ZHX3: variants seen among roughly 807,000 people sequenced by gnomAD.
The protein encoded by ZHX3 is zinc fingers and homeoboxes 3.
ZHX3 carries 20 observed loss-of-function variants against 64.5 expected under a neutral mutation model. The ratio of observed to expected loss-of-function variants is 0.31; its 90% confidence interval spans 0.22 to 0.45. ZHX3 has a LOEUF of 0.45. Ranked by LOEUF, ZHX3 falls within the 20% of genes least tolerant of loss-of-function variation. The pLI is 1.00. For synonymous variants in ZHX3, 423 were observed against 461.6 expected (o/e 0.92, Z 1.07); for missense variants, 1,041 against 1,195.8 (o/e 0.87, Z 1.91).
intron 1 of ZHX3, among the ~76,000 whole-genome samples, chr20:41,299,286 C>G (rs2044694373): frequency 6.6e-6 from 1 of 151,734 alleles, no homozygotes; most frequent in African/African-American, 2.4e-5. Context: ...TTAATCAGCC[C>G]AACACTATAT....
rs112928317 is a variant in ZHX3 at position 41,278,680 on chromosome 20, C to T, written c.-244-9597G>A. On this transcript the variant is annotated intron_variant, in intron 1 of 3. Transcript: ENST00000683867. ...ACTTATTGTAGATATATGGAAAATACAGAAGAGTATAAGACTATAGAGGAA... is the reference window on the plus strand; with the variant it reads ...ACTTATTGTAGATATATGGAAAATATAGAAGAGTATAAGACTATAGAGGAA... 7.8e-5 allele frequency among the ~76,000 whole-genome samples: 11 copies of T among 141,786 alleles called. 3 individuals carry two copies. Among genetic ancestry groups the T allele is most frequent in the African/African-American group, 2.4e-4 (9 of 37,864 alleles). 93.0% of individuals were successfully genotyped at this position (141,786 alleles called of 152,430 possible).
At chr20:41,312,479 C>T (rs1052502142) in intron 1 of ZHX3, among the ~76,000 whole-genome samples, 9 of 152,266 alleles carry the variant, frequency 5.9e-5, no homozygotes, top group Admixed American at 4.6e-4. Context: ...CACAAAGGTC[C>T]GCAGCTCCTT....
chr20:41,234,157 A>C (rs74167736), intron 2 of ZHX3, among the ~76,000 whole-genome samples: 1 of 152,148 alleles, frequency 6.6e-6, no homozygotes, highest in Non-Finnish European at 1.5e-5. Flanking sequence ...CTCGGGCCCA[A>C]CTTCCCTGTT....
intron 1 of ZHX3, among the ~76,000 whole-genome samples, chr20:41,292,013 T>TAA (rs61168786): frequency 0.28 from 26,681 of 94,288 alleles, 3,722 homozygotes; most frequent in Non-Finnish European, 0.31. Flanking sequence ...ACCTCATCTT[T>TAA]AAAAAAAAAA....
At chr20:41,236,892 T>C (rs1161077484) in intron 2 of ZHX3, among the ~76,000 whole-genome samples, 1 of 151,886 alleles carries the variant, frequency 6.6e-6, no homozygotes, top group Non-Finnish European at 1.5e-5. Flanking sequence ...ATATCCAGAA[T>C]CCACAAAGAA....
At position 41,215,432 on chromosome 20, in the gene ZHX3, G is replaced by A. The variant is rs2039450102; in HGVS notation, c.-150-10366C>T. Among the ~76,000 whole-genome samples the A allele has an allele frequency of 2.0e-5, 3 of 152,058 alleles. No homozygotes were observed. In the South Asian group the frequency reaches 6.2e-4, roughly 32 times the overall value. On this transcript the variant is annotated intron_variant, in intron 2 of 3. Transcript: ENST00000683867. ...TCAGCACTGCAGTATACATATGTGA[G>A]TTTTTTAGATAAAAATCTTAAAGTG...
At chr20:41,295,829 C>T (rs1004232612) in intron 1 of ZHX3, among the ~76,000 whole-genome samples, 28 of 148,658 alleles carry the variant, frequency 1.9e-4, no homozygotes, top group African/African-American at 6.7e-4. Context: ...CCAGCCTGGG[C>T]GACACAACGA....
At chr20:41,208,369 C>G (rs1389948765) in intron 2 of ZHX3, among the ~76,000 whole-genome samples, 1 of 152,126 alleles carries the variant, frequency 6.6e-6, no homozygotes, top group East Asian at 1.9e-4. Context: ...GATACCAAAG[C>G]CTGGCAGAGA....
At chr20:41,241,879 A>T (rs1440601979) in intron 2 of ZHX3, among the ~76,000 whole-genome samples, 5 of 152,164 alleles carry the variant, frequency 3.3e-5, no homozygotes, top group Non-Finnish European at 7.4e-5. Flanking sequence ...CAATCCATGA[A>T]TTAGACCCCT....
rs982903199 is a variant in ZHX3, at chr20:41,178,765, G to A, written c.*6426C>T. 6.6e-6 allele frequency: 1 copy of A among 152,578 alleles called. No homozygotes were observed. The highest frequency in any genetic ancestry group is 2.4e-5 in the African/African-American group (1 of 41,452). The allele number at this position is 152,578 out of a possible 1,614,324, so 9.5% of individuals were successfully genotyped here. A position where few individuals can be genotyped will look rare whatever the true frequency, so the allele number is the denominator to read the frequency against. ...GTAAAGAATTCCCATTCTACCCAAG[G>A]CTTAAGTGATAGAGTATGCTGTTTT... On this transcript the variant is annotated 3_prime_UTR_variant, in exon 4 of 4. Coordinates refer to ENST00000683867, the MANE Select transcript of ZHX3 (RefSeq NM_001384317.1).
Position 41,275,419 on chromosome 20 carries a change from T to G in ZHX3, c.-244-6336A>C, listed in dbSNP as rs559450841. 7.9e-5 allele frequency among the ~76,000 whole-genome samples: 12 copies of G among 152,292 alleles called. No individual in the cohort carries two copies. In the Middle Eastern group the frequency reaches 0.017, roughly 216 times the overall value. ...TTTTGTTTTCACCAGGAAGTTTAAGTTGAAGAGGGCAAGGGAAAAAAAAAT... is the reference window on the plus strand; with the variant it reads ...TTTTGTTTTCACCAGGAAGTTTAAGGTGAAGAGGGCAAGGGAAAAAAAAAT... On this transcript the variant is annotated intron_variant, in intron 1 of 3. Transcript: ENST00000683867.
At chr20:41,272,433 T>G (rs2043189003) in intron 1 of ZHX3, among the ~76,000 whole-genome samples, 1 of 152,220 alleles carries the variant, frequency 6.6e-6, no homozygotes, top group African/African-American at 2.4e-5. Context: ...CACAGTATCA[T>G]GCAACCATCA....
intron 1 of ZHX3, among the ~76,000 whole-genome samples, chr20:41,276,793 G>A (rs940080902): frequency 6.6e-6 from 1 of 152,116 alleles, no homozygotes; most frequent in Non-Finnish European, 1.5e-5. Flanking sequence ...AGCACACTGG[G>A]GTTTATGACA....
intron 1 of ZHX3, among the ~76,000 whole-genome samples, chr20:41,281,005 T>A (rs1370292532): frequency 1.3e-5 from 2 of 152,044 alleles, no homozygotes; most frequent in Non-Finnish European, 2.9e-5. Context: ...TTACATGATG[T>A]ATAACAATAT....
In ZHX3 at chr20:41,195,703, A is replaced by G. The variant is rs1303334487; in HGVS notation, c.2860+6354T>C. Among the ~76,000 whole-genome samples, 1 of 152,250 alleles carries G rather than the reference A, an allele frequency of 6.6e-6. No homozygotes were observed. Among genetic ancestry groups the G allele is most frequent in the South Asian group, 2.1e-4 (1 of 4,834 alleles). On this transcript the variant is annotated intron_variant, in intron 3 of 3. Coordinates refer to ENST00000683867, the MANE Select transcript of ZHX3 (RefSeq NM_001384317.1). This position sits in a 1 kb window ranked among gnomAD's most constrained non-coding sequence, Gnocchi z 4.2. ...AGTGTGGGGATTACAGGCATAAGCC[A>G]CTGCGCCCAGCGTAAGTTCTCTTTT...
At chr20:41,246,097 C>T (rs1004686937) in intron 2 of ZHX3, among the ~76,000 whole-genome samples, 1 of 152,170 alleles carries the variant, frequency 6.6e-6, no homozygotes, top group Non-Finnish European at 1.5e-5. Flanking sequence ...CATCTCCTTT[C>T]CTAGGCCCTA....
chr20:41,197,261 T>C (rs1363265408), intron 3 of ZHX3: 1 of 146,378 alleles, frequency 6.8e-6, no homozygotes, highest in African/African-American at 2.5e-5. Context: ...ATATTTTATA[T>C]ATAATTGTAT....
chr20:41,311,891 G>A (rs1251528262), intron 1 of ZHX3, among the ~76,000 whole-genome samples: 1 of 152,186 alleles, frequency 6.6e-6, no homozygotes, highest in Non-Finnish European at 1.5e-5. Flanking sequence ...TATTCAAAAT[G>A]TTCTGAGGCC....
intron 2 of ZHX3, among the ~76,000 whole-genome samples, chr20:41,206,776 T>G (rs938640007): frequency 3.9e-5 from 6 of 152,086 alleles, no homozygotes; most frequent in African/African-American, 7.2e-5. Flanking sequence ...AGGCCAACAT[T>G]AAAATTCAGA....
Sources: gnomAD v4.1 joint callset for allele counts (sites outside exome capture counted in the v4.1 genomes callset) on GRCh38, gnomAD v4.1.1 for gene constraint, Gnocchi (gnomAD v3.1) non-coding constraint, MANE v1.5 for transcripts, NCBI Gene and HGNC (gene_info 2026-07-23, HGNC 2026-07-21) for gene names.